The following NEGR1 variants were observed in gnomAD, a reference collection of about 807,000 sequenced individuals.
NEGR1 encodes the protein IgLON family member 4.
Under a neutral mutation model 40.9 loss-of-function variants are expected in NEGR1, and 10 were observed. That is an observed-to-expected ratio of 0.24 (90% CI 0.15 to 0.42). NEGR1 has a LOEUF of 0.42. Among genes scored for constraint, NEGR1 ranks in the 10% least tolerant of loss-of-function variants. NEGR1 has a pLI of 1.00. For synonymous variants in NEGR1, 185 were observed against 166.8 expected, an observed-to-expected ratio of 1.11 and a Z score of -0.84; for missense variants, 352 against 438.9, an observed-to-expected ratio of 0.80 and a Z score of 1.77.
At chr1:71,465,915 A>G (rs1646742394) in intron 6 of NEGR1, among the ~76,000 whole-genome samples, 2 of 152,030 alleles carry the variant, frequency 1.3e-5, no homozygotes, top group South Asian at 4.1e-4. Context: ...GTATATATAT[A>G]AAGGATATTA....
chr1:71,721,451 C>A (rs182815706), intron 3 of NEGR1, among the ~76,000 whole-genome samples: 1 of 151,522 alleles, frequency 6.6e-6, no homozygotes, highest in African/African-American at 2.4e-5. Context: ...ACAGGTCATC[C>A]AAGGTCCCTG....
intron 6 of NEGR1, among the ~76,000 whole-genome samples, chr1:71,444,327 C>A (rs1646566685): frequency 6.6e-6 from 1 of 152,076 alleles, no homozygotes; most frequent in African/African-American, 2.4e-5. Context: ...CATTAGAATG[C>A]AAATGCACTT....
intron 1 of NEGR1, among the ~76,000 whole-genome samples, chr1:71,951,812 G>A (rs929790134): frequency 2.0e-5 from 3 of 151,734 alleles, no homozygotes; most frequent in African/African-American, 7.3e-5. Flanking sequence ...CTCACTTCAT[G>A]TCTCTGTGCC....
At chr1:71,728,852 T>C (rs552623214) in intron 3 of NEGR1, among the ~76,000 whole-genome samples, 2 of 152,140 alleles carry the variant, frequency 1.3e-5, no homozygotes, top group African/African-American at 2.4e-5. Context: ...TCTGTAGTGA[T>C]AGTCCACCTG....
intron 6 of NEGR1, among the ~76,000 whole-genome samples, chr1:71,557,815 C>T (rs1195626859): frequency 6.6e-6 from 1 of 151,470 alleles, no homozygotes; most frequent in Non-Finnish European, 1.5e-5. Context: ...CAAATGTTTC[C>T]CATAATGTCT....
intron 2 of NEGR1, among the ~76,000 whole-genome samples, chr1:71,782,335 G>T (rs1656745805): frequency 6.6e-6 from 1 of 152,106 alleles, no homozygotes; most frequent in South Asian, 2.1e-4. Context: ...CATTTCTGTT[G>T]ATTATAAGCC....
At chr1:71,826,116 T>C (rs911239491) in intron 2 of NEGR1, among the ~76,000 whole-genome samples, 1 of 151,926 alleles carries the variant, frequency 6.6e-6, no homozygotes, top group Non-Finnish European at 1.5e-5. Context: ...CACAGTTCCC[T>C]CTTTCCATCT....
chr1:71,526,578 C>T (rs961998479), intron 6 of NEGR1, among the ~76,000 whole-genome samples: 1 of 151,414 alleles, frequency 6.6e-6, no homozygotes, highest in Non-Finnish European at 1.5e-5. Flanking sequence ...TCACTCTCTC[C>T]CTGTCCTCAG....
chr1:72,017,885 T>C (rs1646725103), intron 1 of NEGR1, among the ~76,000 whole-genome samples: 1 of 152,120 alleles, frequency 6.6e-6, no homozygotes, highest in Non-Finnish European at 1.5e-5. Flanking sequence ...TGATATACCA[T>C]ACATACAAAA....
intron 4 of NEGR1, among the ~76,000 whole-genome samples, chr1:71,669,967 T>A (rs1356671686): frequency 6.6e-6 from 1 of 152,172 alleles, no homozygotes; most frequent in Admixed American, 6.6e-5. Context: ...AGTATTTTAA[T>A]ATTCTAAAAC....
intron 2 of NEGR1, among the ~76,000 whole-genome samples, chr1:71,866,772 A>G (rs1256481673): frequency 2.0e-5 from 3 of 152,196 alleles, no homozygotes; most frequent in Admixed American, 2.0e-4. Flanking sequence ...CAGCTGTTGT[A>G]TGTTTTATAA....
intron 4 of NEGR1, among the ~76,000 whole-genome samples, chr1:71,618,771 C>T (rs1038098689): frequency 3.3e-5 from 5 of 152,120 alleles, no homozygotes; most frequent in Non-Finnish European, 7.4e-5. Flanking sequence ...AAAAACCGGT[C>T]CCTGGTGCCA....
Position 72,275,093 on chromosome 1 carries a change from C to A in NEGR1, c.176+7226G>T, listed in dbSNP as rs979609058. 5.5e-5 allele frequency: 50 copies of A among 905,234 alleles called. 1 individual carries two copies. The East Asian group carries it at 1.1e-3, about 19-fold the overall frequency. The allele number at this position is 905,234 out of a possible 1,614,324, so 56.1% of individuals were successfully genotyped here. ...GTTAGCACCAGTGACCTCCTGATACCGAAAGACTTGGGAACAGAAAGCCAG... is the reference window on the plus strand; with the variant it reads ...GTTAGCACCAGTGACCTCCTGATACAGAAAGACTTGGGAACAGAAAGCCAG... On this transcript the variant is annotated intron_variant, in intron 1 of 6. Coordinates refer to ENST00000357731, the MANE Select transcript of NEGR1 (RefSeq NM_173808.3).
chr1:71,477,204 T>C (rs895433180), intron 6 of NEGR1, among the ~76,000 whole-genome samples: 1 of 152,148 alleles, frequency 6.6e-6, no homozygotes, highest in Admixed American at 6.6e-5. Context: ...ATATTGGTAA[T>C]ACAAGGTAAC....
intron 2 of NEGR1, among the ~76,000 whole-genome samples, chr1:71,878,997 G>A (rs1225049457): frequency 6.6e-6 from 1 of 151,974 alleles, no homozygotes; most frequent in Non-Finnish European, 1.5e-5. Context: ...GCCAGGGGTG[G>A]TGGTGCATGC....
intron 1 of NEGR1, among the ~76,000 whole-genome samples, chr1:72,273,628 T>C: frequency 6.6e-6 from 1 of 151,918 alleles, no homozygotes. Flanking sequence ...TAGAAGTTAA[T>C]CAAAGAATAC....
chr1:71,495,478 G>GAAA (rs59058061), intron 6 of NEGR1, among the ~76,000 whole-genome samples: 2 of 135,994 alleles, frequency 1.5e-5, no homozygotes, highest in Admixed American at 7.4e-5. Context: ...CTCCATCTCG[G>GAAA]AAAAAAAAAA....
At chr1:71,856,950 G>C (rs1179909062) in intron 2 of NEGR1, among the ~76,000 whole-genome samples, 1 of 151,984 alleles carries the variant, frequency 6.6e-6, no homozygotes, top group Non-Finnish European at 1.5e-5. Context: ...AAGGACTTTG[G>C]TGTTCAAAGA....
Position 71,920,613 on chromosome 1 carries a change from T to A in NEGR1, c.409+14466A>T, listed in dbSNP as rs544394394. Among the ~76,000 whole-genome samples the A allele has an allele frequency of 2.0e-5, 3 of 152,302 alleles. No individual in the cohort carries two copies. The South Asian group carries it at 6.2e-4, about 32-fold the overall frequency. On this transcript the variant is annotated intron_variant, in intron 2 of 6. Transcript: ENST00000357731. ...AATTTCCTTGAAAAGAAGGACTAAT[T>A]TTTATTTGCAGATCTTTCTTTTCCA... is the stretch of plus-strand genomic sequence containing the variant.
Sources: allele counts gnomAD v4.1 joint callset (sites outside exome capture counted in the v4.1 genomes callset), GRCh38; gene constraint gnomAD v4.1.1; transcripts MANE v1.5; gene names NCBI Gene and HGNC (gene_info 2026-07-23, HGNC 2026-07-21).